FKBP6: variants seen among roughly 807,000 people sequenced by gnomAD.
The protein encoded by FKBP6 is FKBP prolyl isomerase family member 6 (inactive), also known as inactive peptidyl-prolyl cis-trans isomerase FKBP6.
FKBP6 carries 29 observed loss-of-function variants against 41.7 expected under a neutral mutation model. The ratio of observed to expected loss-of-function variants is 0.70; its 90% CI spans 0.52 to 0.95. The LOEUF is 0.95. Among genes scored for constraint, FKBP6 ranks in the 40% least tolerant of loss-of-function variants. FKBP6 has a pLI of 0.00. For missense variants in FKBP6, 338 were observed against 408.7 expected (o/e 0.83, Z 1.49); for synonymous variants, 130 against 165.1 (o/e 0.79, Z 1.63).
Position 73,340,757 on chromosome 7 carries a change from C to T in FKBP6, c.708C>T (p.Thr236=). Residue 236 remains threonine (T), a synonymous_variant, in exon 6 of 9, where the codon ACC becomes ACT. Coordinates refer to ENST00000252037, the MANE Select transcript of FKBP6 (RefSeq NM_003602.5). ...SFTYLKLDRP[T]IALCYGEQAL... ...CATACCTGAAGCTAGACCGACCCAC[C>T]ATAGCCCTGTGCTATGGAGAGCAGG... is the stretch of plus-strand genomic sequence containing the variant. The T allele has an allele frequency of 3.1e-6, 5 of 1,614,008 alleles. No individual in the cohort carries two copies. Among genetic ancestry groups the T allele is most frequent in the Non-Finnish European group, 4.2e-6 (5 of 1,180,000 alleles).
intron 6 of FKBP6, 59 bp from the exon 7 acceptor site, chr7:73,341,214 G>C: frequency 1.6e-6 from 2 of 1,212,410 alleles, no homozygotes; most frequent in Non-Finnish European, 2.5e-6. Context: ...ATGAGCCACC[G>C]TGCCCAGCCA....
Position 73,328,575 on chromosome 7 carries a change from TC to T in FKBP6, c.61del (p.Leu21CysfsTer5). The T allele has an allele frequency of 6.3e-7, 1 of 1,591,858 alleles. No homozygotes were observed. The highest frequency in any genetic ancestry group is 8.6e-7 in the Non-Finnish European group (1 of 1,163,752). On this transcript the variant is annotated frameshift_variant and splice_region_variant, in exon 2 of 9. Coordinates refer to ENST00000252037, the MANE Select transcript of FKBP6 (RefSeq NM_003602.5). LOFTEE classifies it high-confidence loss of function. ...VLEGDDAPGQSLYERLSQRML... is the reference protein window; with the variant it reads ...VLEGDDAPGQXLYERLSQRML... ...AGGCCTGGCTTTCATTCTCCATCAGTCCCTGTACGAGCGGTTAAGTCAGAGG... is the reference window on the plus strand; with the variant it reads ...AGGCCTGGCTTTCATTCTCCATCAGTCCTGTACGAGCGGTTAAGTCAGAGG...
chr7:73,341,341 C>T lies in FKBP6; in HGVS notation c.852C>T (p.Pro284=). Residue 284 remains proline, a synonymous_variant, in exon 7 of 9, where the codon CCC becomes CCT. Transcript: ENST00000252037. ...TAGTTCGAGCCCAGAAGGAGCAACC[C>T]TTCAATCATGACATCAATAATGAGC... ...DFLVRAQKEQ[P]FNHDINNELK... 3 of 1,613,452 alleles carry T rather than the reference C, an allele frequency of 1.9e-6. No individual in the cohort carries two copies. Among genetic ancestry groups the T allele is most frequent in the Non-Finnish European group, 2.5e-6 (3 of 1,179,366 alleles).
chr7:73,343,670 C>T (rs1055802441), intron 8 of FKBP6, among the ~76,000 whole-genome samples: 5 of 152,116 alleles, frequency 3.3e-5, no homozygotes, highest in Admixed American at 1.3e-4. Flanking sequence ...AGGCACAGGG[C>T]GGGAGTTCCC....
At chr7:73,329,221 AT>A (rs1804748090) in intron 2 of FKBP6, 138 bp from the exon 3 acceptor site, 1 of 765,862 alleles carries the variant, frequency 1.3e-6, no homozygotes, top group Non-Finnish European at 2.4e-6. Context: ...CAGAGAGAAG[AT>A]TTATTCCTGT....
At chr7:73,338,073 T>A (rs1049805539) in intron 5 of FKBP6, among the ~76,000 whole-genome samples, 1 of 152,232 alleles carries the variant, frequency 6.6e-6, no homozygotes, top group Non-Finnish European at 1.5e-5. Context: ...TTGCCCAGGC[T>A]GGAGTGCAGT....
chr7:73,357,584 G>A (rs1015782915), intron 8 of FKBP6, among the ~76,000 whole-genome samples: 1 of 151,954 alleles, frequency 6.6e-6, no homozygotes, highest in Admixed American at 6.6e-5. Flanking sequence ...ACTTACTTCT[G>A]TCCCGTTGCC....
At chr7:73,356,065 C>T (rs868909374) in intron 8 of FKBP6, among the ~76,000 whole-genome samples, 2 of 32,198 alleles carry the variant, frequency 6.2e-5, no homozygotes, top group African/African-American at 1.8e-4. Flanking sequence ...GACTCTGTCT[C>T]AAAAAAAAAA....
At chr7:73,332,528 G>C (rs1280636599) in intron 5 of FKBP6, among the ~76,000 whole-genome samples, 2 of 151,844 alleles carry the variant, frequency 1.3e-5, no homozygotes, top group Non-Finnish European at 2.9e-5. Flanking sequence ...AAAGGGATAA[G>C]TACTGGAGAG....
intron 8 of FKBP6, among the ~76,000 whole-genome samples, chr7:73,356,053 A>G (rs1374052360): frequency 2.8e-5 from 4 of 142,442 alleles, no homozygotes; most frequent in African/African-American, 1.1e-4. Flanking sequence ...GCGACAGAGC[A>G]AGACTCTGTC....
At chr7:73,356,355 A>T (rs114074391) in intron 8 of FKBP6, among the ~76,000 whole-genome samples, 1 of 152,202 alleles carries the variant, frequency 6.6e-6, no homozygotes, top group African/African-American at 2.4e-5. Context: ...TGTGACAGTC[A>T]AAGTCCTATC....
At chr7:73,345,843 A>G (rs1040800892) in intron 8 of FKBP6, among the ~76,000 whole-genome samples, 1 of 152,024 alleles carries the variant, frequency 6.6e-6, no homozygotes, top group South Asian at 2.1e-4. Flanking sequence ...TTGGGGAAAC[A>G]TCTGTTCCCG....
Position 73,358,207 on chromosome 7 carries a change from G to C in FKBP6, c.*29G>C, listed in dbSNP as rs1459068638. The C allele has an allele frequency of 6.6e-6, 1 of 152,098 alleles. No individual in the cohort carries two copies. Among genetic ancestry groups the C allele is most frequent in the Non-Finnish European group, 1.5e-5 (1 of 68,050 alleles). The allele number at this position is 152,098 out of a possible 1,614,324, so 9.4% of individuals were successfully genotyped here. A position where few individuals can be genotyped will look rare whatever the true frequency, so the allele number is the denominator to read the frequency against. Reference sequence around the variant, plus strand: ...TTCTTCACCTACCAACGAGGGGAGAGAGCTGTGGTTCTCCATCATTGGGGG... The same window carrying C: ...TTCTTCACCTACCAACGAGGGGAGACAGCTGTGGTTCTCCATCATTGGGGG... On this transcript the variant is annotated 3_prime_UTR_variant, in exon 9 of 9. Coordinates refer to ENST00000252037, the MANE Select transcript of FKBP6 (RefSeq NM_003602.5).
At chr7:73,345,856 C>A (rs997686667) in intron 8 of FKBP6, among the ~76,000 whole-genome samples, 3 of 152,112 alleles carry the variant, frequency 2.0e-5, no homozygotes, top group African/African-American at 7.2e-5. Flanking sequence ...TGTTCCCGGG[C>A]CACTCCACTT....
Position 73,349,484 on chromosome 7 carries a change from A to G in FKBP6, c.*2+6585A>G, listed in dbSNP as rs534285612. On this transcript the variant is annotated intron_variant, in intron 8 of 8. Transcript: ENST00000252037. ...TTTGGGAGGCCGAGGCAGGCGGATC[A>G]CGAGGTCAGAAGATCGAGACCATCC... Among the ~76,000 whole-genome samples, 3 of 149,728 alleles carry G rather than the reference A, an allele frequency of 2.0e-5. No individual in the cohort carries two copies. In the South Asian group the frequency reaches 6.4e-4, roughly 32 times the overall value.
chr7:73,339,826 G>A (rs1176483320), intron 5 of FKBP6, among the ~76,000 whole-genome samples: 3 of 151,888 alleles, frequency 2.0e-5, no homozygotes, highest in South Asian at 4.2e-4. Flanking sequence ...TTGGCCAGAC[G>A]GGTCTCGAAC....
chr7:73,357,829 G>C (rs1169382818), intron 8 of FKBP6, among the ~76,000 whole-genome samples: 1 of 151,440 alleles, frequency 6.6e-6, no homozygotes, highest in African/African-American at 2.4e-5. Context: ...TACTAAAAAT[G>C]CAAAAAAAAG....
At chr7:73,334,863 G>A (rs1554548264) in intron 5 of FKBP6, among the ~76,000 whole-genome samples, 1 of 152,144 alleles carries the variant, frequency 6.6e-6, no homozygotes, top group Non-Finnish European at 1.5e-5. Context: ...ATGCAAGCTA[G>A]GGCCAGTTGG....
intron 5 of FKBP6, among the ~76,000 whole-genome samples, chr7:73,338,499 G>A (rs1195702663): frequency 6.6e-6 from 1 of 152,226 alleles, no homozygotes; most frequent in Non-Finnish European, 1.5e-5. Context: ...TATGTGCCTA[G>A]GAGTGCAATT....
Sources: gnomAD v4.1 joint callset for allele counts (sites outside exome capture counted in the v4.1 genomes callset) on GRCh38, gnomAD v4.1.1 for gene constraint, MANE v1.5 for transcripts, NCBI Gene and HGNC (gene_info 2026-07-23, HGNC 2026-07-21) for gene names.